The following ITPK1 variants were observed in gnomAD, a reference collection of about 807,000 sequenced individuals.
The protein encoded by ITPK1 is inositol-tetrakisphosphate 1-kinase.
A neutral mutation model predicts 45.3 loss-of-function variants in ITPK1; 21 were observed. The ratio of observed to expected loss-of-function variants is 0.46; its 90% confidence interval spans 0.33 to 0.67. The LOEUF (loss-of-function observed/expected upper bound fraction) is 0.67, where lower values mean the gene tolerates loss of function less well. ITPK1 is among the 30% of genes least tolerant of loss of function. ITPK1 has a pLI of 0.02. For synonymous variants in ITPK1, 258 were observed against 253.6 expected (o/e 1.02, Z -0.16); for missense variants, 474 against 573.5 (o/e 0.83, Z 1.77).
At chr14:92,961,155 A>T (rs1885049293) in intron 7 of ITPK1, among the ~76,000 whole-genome samples, 1 of 152,246 alleles carries the variant, frequency 6.6e-6, no homozygotes, top group South Asian at 2.1e-4. Context: ...AGCCTTCCCC[A>T]GAGAGCCCAC....
In ITPK1 at chr14:92,965,491, G is replaced by A. The variant is rs114777424; in HGVS notation, c.365-2642C>T. ...ACACTGTACTGGAGGTTCTAGCCAC[G>A]GCCATTAGGCAAGAAAAATGAAACA... On this transcript the variant is annotated intron_variant, in intron 5 of 10. Coordinates refer to ENST00000267615, the MANE Select transcript of ITPK1 (RefSeq NM_014216.6). Among the ~76,000 whole-genome samples the A allele has an allele frequency of 7.1e-3, 1,076 of 152,192 alleles. 9 individuals carry two copies. Among genetic ancestry groups the A allele is most frequent in the African/African-American group, 0.019 (784 of 41,508 alleles).
At position 92,940,469 on chromosome 14, in the gene ITPK1, A is replaced by T; in HGVS notation, c.*1092T>A. On this transcript the variant is annotated 3_prime_UTR_variant, in exon 11 of 11. Coordinates refer to ENST00000267615, the MANE Select transcript of ITPK1 (RefSeq NM_014216.6). ...GATGGGGGGCGGGTGGCTCCCTGGC[A>T]CCTGCTGGCTCAGTGCTTGGGGCTT... The T allele has an allele frequency of 8.9e-7, 1 of 1,118,550 alleles. No homozygotes were observed. The highest frequency in any genetic ancestry group is 1.1e-6 in the Non-Finnish European group (1 of 906,080). The allele number at this position is 1,118,550 out of a possible 1,614,324, so 69.3% of individuals were successfully genotyped here. A position where few individuals can be genotyped will look rare whatever the true frequency, so the allele number is the denominator to read the frequency against.
intron 9 of ITPK1, among the ~76,000 whole-genome samples, chr14:92,950,162 A>G (rs978909802): frequency 2.6e-5 from 4 of 152,194 alleles, no homozygotes; most frequent in Admixed American, 1.3e-4. Flanking sequence ...CAAAAAATGT[A>G]TGGGGCCCTC....
At chr14:93,085,080 G>T (rs908031796) in intron 2 of ITPK1, among the ~76,000 whole-genome samples, 2 of 152,220 alleles carry the variant, frequency 1.3e-5, no homozygotes, top group African/African-American at 2.4e-5. Flanking sequence ...CTCCAGCCCC[G>T]TGTCACCCCT....
At chr14:92,949,714 C>T (rs2139711354) in intron 9 of ITPK1, among the ~76,000 whole-genome samples, 1 of 152,396 alleles carries the variant, frequency 6.6e-6, no homozygotes, top group Admixed American at 6.5e-5. Context: ...TTGGCTGCTG[C>T]ACTGCCACAC....
intron 2 of ITPK1, among the ~76,000 whole-genome samples, chr14:93,090,844 A>G (rs973378817): frequency 2.0e-5 from 3 of 152,140 alleles, no homozygotes; most frequent in African/African-American, 7.2e-5. Context: ...GGCTGCTTCA[A>G]TGTCCAAATC....
At position 92,959,374 on chromosome 14, in the gene ITPK1, C is replaced by T. The variant is rs376481327; in HGVS notation, c.505-1008G>A. 6.4e-4 allele frequency among the ~76,000 whole-genome samples: 97 copies of T among 152,334 alleles called. No homozygotes were observed. In the East Asian group the frequency reaches 0.017, roughly 27 times the overall value. ...AGCTGGCTGCCTCCCCAGCTGCCAC[C>T]CCTTGTGTCAGCTGTCACGGAGCGC... is the stretch of plus-strand genomic sequence containing the variant. On this transcript the variant is annotated intron_variant, in intron 7 of 10. Transcript: ENST00000267615.
At chr14:93,009,534 T>C (rs1241545849) in intron 4 of ITPK1, among the ~76,000 whole-genome samples, 1 of 152,202 alleles carries the variant, frequency 6.6e-6, no homozygotes, top group Non-Finnish European at 1.5e-5. Flanking sequence ...CGGCACAGAA[T>C]GGTCCCACCC....
At chr14:92,957,658 T>C (rs950945253) in intron 8 of ITPK1, among the ~76,000 whole-genome samples, 1 of 152,202 alleles carries the variant, frequency 6.6e-6, no homozygotes, top group South Asian at 2.1e-4. Context: ...ACTGGCACGG[T>C]AGGAGTCCTG....
chr14:92,945,050 G>A (rs1887615932), intron 10 of ITPK1, among the ~76,000 whole-genome samples: 1 of 152,212 alleles, frequency 6.6e-6, no homozygotes, highest in African/African-American at 2.4e-5. Flanking sequence ...CTGCCCCTGT[G>A]CTCCAGTGTC....
chr14:92,940,903 A>G lies in ITPK1; in HGVS notation c.*658T>C, dbSNP rs11446. On this transcript the variant is annotated 3_prime_UTR_variant, in exon 11 of 11. Transcript: ENST00000267615. ...AAATGGGACGTGTGTTGGGGGGCCC[A>G]GAGGACGCCCAGCTTCCTTTCCTTC... 0.65 allele frequency: 843,239 copies of G among 1,287,878 alleles called. 278,467 individuals carry two copies. The highest frequency in any genetic ancestry group is 0.87 in the African/African-American group (57,635 of 65,882). The allele number at this position is 1,287,878 out of a possible 1,614,324, so 79.8% of individuals were successfully genotyped here.
At chr14:92,961,986 T>C (rs909106389) in intron 7 of ITPK1, among the ~76,000 whole-genome samples, 1 of 152,266 alleles carries the variant, frequency 6.6e-6, no homozygotes, top group African/African-American at 2.4e-5. Flanking sequence ...TGCTGGCACC[T>C]TGACCTGGGA....
chr14:92,998,858 A>G (rs1887190456), intron 4 of ITPK1: 1 of 152,206 alleles, frequency 6.6e-6, no homozygotes. Context: ...AATAAAAATG[A>G]TCATCATCAG....
At chr14:93,084,981 A>G (rs1433918407) in intron 2 of ITPK1, among the ~76,000 whole-genome samples, 1 of 152,072 alleles carries the variant, frequency 6.6e-6, no homozygotes, top group African/African-American at 2.4e-5. Flanking sequence ...ATGGCTCTTT[A>G]TTTCAGCATC....
intron 2 of ITPK1, among the ~76,000 whole-genome samples, chr14:93,105,624 C>T (rs1303410533): frequency 1.3e-5 from 2 of 150,540 alleles, no homozygotes; most frequent in East Asian, 2.0e-4. Context: ...TGAGTTCAAG[C>T]GATTCTCCCA....
intron 5 of ITPK1, among the ~76,000 whole-genome samples, chr14:92,966,631 A>G (rs1199929534): frequency 6.6e-6 from 1 of 152,234 alleles, no homozygotes; most frequent in Non-Finnish European, 1.5e-5. Context: ...ACTCAGGACC[A>G]CTAAAATATC....
chr14:93,046,694 A>G (rs1889792484), intron 3 of ITPK1, among the ~76,000 whole-genome samples: 1 of 152,104 alleles, frequency 6.6e-6, no homozygotes. Context: ...GTGTTTTTCC[A>G]TTTCTTTCGG....
intron 3 of ITPK1, among the ~76,000 whole-genome samples, chr14:93,060,441 C>G (rs1890469481): frequency 6.6e-6 from 1 of 152,106 alleles, no homozygotes; most frequent in African/African-American, 2.4e-5. Flanking sequence ...CACAGAACCA[C>G]CAGGCTACGT....
rs771832016 is a variant in ITPK1, at chr14:93,012,314, C to T, written c.246+4362G>A. ...AGTGCAAAGTTGGCAGGGCCTGGGA[C>T]GAGAGATGTGTCATTAATCAGCTCA... On this transcript the variant is annotated intron_variant, in intron 4 of 10. Coordinates refer to ENST00000267615, the MANE Select transcript of ITPK1 (RefSeq NM_014216.6). The surrounding 1 kb of genome is among the most constrained non-coding windows in gnomAD (Gnocchi z 4.9). Among the ~76,000 whole-genome samples the T allele has an allele frequency of 1.3e-5, 2 of 152,124 alleles. No homozygotes were observed. The highest frequency in any genetic ancestry group is 2.9e-5 in the Non-Finnish European group (2 of 68,012).
Sources: allele counts gnomAD v4.1 joint callset (sites outside exome capture counted in the v4.1 genomes callset), GRCh38; gene constraint gnomAD v4.1.1; non-coding constraint Gnocchi (gnomAD v3.1); transcripts MANE v1.5; gene names NCBI Gene and HGNC (gene_info 2026-07-23, HGNC 2026-07-21).